The following GIPC2 variants were observed in gnomAD, a reference collection of about 807,000 sequenced individuals.
The protein encoded by GIPC2 is PDZ domain-containing protein GIPC2.
A neutral mutation model predicts 30.6 loss-of-function variants in GIPC2; 30 were observed. That is an observed-to-expected ratio of 0.98 (90% CI 0.73 to 1.33). The LOEUF (loss-of-function observed/expected upper bound fraction) is 1.33. GIPC2 is among the 40% of genes most tolerant of loss of function. The pLI, the probability that GIPC2 is intolerant of heterozygous loss-of-function variation, is 0.00. For missense variants in GIPC2, 414 were observed against 390.3 expected, an observed-to-expected ratio of 1.06 and a Z score of -0.51; for synonymous variants, 167 against 150.0, an observed-to-expected ratio of 1.11 and a Z score of -0.83.
chr1:78,099,983 G>A (rs1291805321), intron 3 of GIPC2, among the ~76,000 whole-genome samples: 1 of 152,152 alleles, frequency 6.6e-6, no homozygotes, highest in Non-Finnish European at 1.5e-5. Context: ...TATATCAAGG[G>A]CCTTATATAT....
chr1:78,120,671 G>A (rs952270920), intron 4 of GIPC2, among the ~76,000 whole-genome samples: 1 of 152,152 alleles, frequency 6.6e-6, no homozygotes, highest in East Asian at 1.9e-4. Context: ...GCAAAGGCAC[G>A]TCTTACATGG....
At chr1:78,046,369 C>CCGCCGCGCCGCGCCG (rs370883891) in intron 1 of GIPC2, 35 bp downstream of exon 1, 221 of 1,557,708 alleles carry the variant, frequency 1.4e-4, no homozygotes, top group East Asian at 6.9e-5. Context: ...TCCCGCCTCT[C>CCGCCGCGCCGCGCCG]CGCCGCGCCG....
At chr1:78,059,241 G>A (rs774880826) in intron 1 of GIPC2, among the ~76,000 whole-genome samples, 9 of 152,208 alleles carry the variant, frequency 5.9e-5, no homozygotes, top group Non-Finnish European at 1.3e-4. Flanking sequence ...TAGATTGTGT[G>A]TTTGGGAGCC....
chr1:78,103,979 C>T (rs1662297888), intron 3 of GIPC2, among the ~76,000 whole-genome samples: 1 of 152,152 alleles, frequency 6.6e-6, no homozygotes, highest in South Asian at 2.1e-4. Flanking sequence ...GTGAAAGGCC[C>T]TTGTACACAC....
chr1:78,080,624 T>G, intron 1 of GIPC2, 51 bp from the exon 2 acceptor site: 1 of 947,240 alleles, frequency 1.1e-6, no homozygotes, highest in Non-Finnish European at 1.6e-6. Flanking sequence ...AAATTAACGG[T>G]CAGATGTATT....
chr1:78,118,070 G>A (rs959561314), intron 3 of GIPC2, among the ~76,000 whole-genome samples: 21 of 151,488 alleles, frequency 1.4e-4, no homozygotes, highest in Non-Finnish European at 2.2e-4. Flanking sequence ...CTACAGGTGC[G>A]TGCCACCATG....
chr1:78,079,578 G>T (rs1661787826), intron 1 of GIPC2, among the ~76,000 whole-genome samples: 1 of 152,270 alleles, frequency 6.6e-6, no homozygotes, highest in South Asian at 2.1e-4. Flanking sequence ...GGAGGAAGAG[G>T]CTTGCAATGC....
At chr1:78,099,224 C>A (rs1237268947) in intron 3 of GIPC2, among the ~76,000 whole-genome samples, 1 of 151,900 alleles carries the variant, frequency 6.6e-6, no homozygotes, top group East Asian at 1.9e-4. Context: ...TATTGAAAGC[C>A]TACTGTATAC....
intron 3 of GIPC2, among the ~76,000 whole-genome samples, chr1:78,103,085 T>C (rs957505946): frequency 3.3e-5 from 5 of 152,182 alleles, no homozygotes; most frequent in African/African-American, 1.2e-4. Context: ...AGGTTACAGC[T>C]AGTGAGCGAG....
chr1:78,063,313 GAAACCCCGTCTCTACAAAAAATACAAA>G, intron 1 of GIPC2, among the ~76,000 whole-genome samples: 1 of 151,466 alleles, frequency 6.6e-6, no homozygotes, highest in African/African-American at 2.4e-5. Flanking sequence ...TCAACATGGT[GAAACCCCGTCTCTACAAAAAATACAAA>G]AATTAGCTAG....
chr1:78,090,643 C>A (rs1420580732), intron 2 of GIPC2, among the ~76,000 whole-genome samples: 2 of 152,182 alleles, frequency 1.3e-5, no homozygotes, highest in Non-Finnish European at 2.9e-5. Flanking sequence ...CTCAGAATAT[C>A]TCCTTCAGAT....
intron 3 of GIPC2, among the ~76,000 whole-genome samples, chr1:78,105,662 G>GT (rs1351427556): frequency 1.3e-5 from 2 of 152,204 alleles, no homozygotes; most frequent in Admixed American, 6.5e-5. Context: ...GTTTTCAACT[G>GT]TTTTTAAGCT....
intron 1 of GIPC2, among the ~76,000 whole-genome samples, chr1:78,072,126 A>T (rs764080018): frequency 2.0e-5 from 3 of 151,748 alleles, no homozygotes; most frequent in Non-Finnish European, 4.4e-5. Flanking sequence ...ATCTATAAAA[A>T]AATGGTATTA....
intron 3 of GIPC2, among the ~76,000 whole-genome samples, chr1:78,118,625 A>G (rs1421915007): frequency 1.3e-5 from 2 of 152,206 alleles, no homozygotes; most frequent in African/African-American, 4.8e-5. Context: ...TGCTGTCTGC[A>G]GGGAATTCCT....
chr1:78,100,732 C>A (rs1303546397), intron 3 of GIPC2, among the ~76,000 whole-genome samples: 1 of 151,920 alleles, frequency 6.6e-6, no homozygotes, highest in African/African-American at 2.4e-5. Context: ...GAGTTTGAGA[C>A]CAGCCTGGCC....
chr1:78,108,746 G>A (rs545808822), intron 3 of GIPC2, among the ~76,000 whole-genome samples: 15 of 152,302 alleles, frequency 9.8e-5, no homozygotes, highest in Admixed American at 9.2e-4. Context: ...TGTGTACATA[G>A]GTTGTGGGTG....
chr1:78,088,760 C>G lies in GIPC2; in HGVS notation c.427-6192C>G, dbSNP rs114920670. Among the ~76,000 whole-genome samples, 491 of 151,708 alleles carry G rather than the reference C, an allele frequency of 3.2e-3. 5 individuals are homozygous for G. Among genetic ancestry groups the G allele is most frequent in the African/African-American group, 0.011 (463 of 41,358 alleles). ...TCATGAGGCTGAGGTGGGAGAATTG[C>G]TTGAGCCTGGGGAACTCAAGGTTGC... On this transcript the variant is annotated intron_variant, in intron 2 of 5. Coordinates refer to ENST00000370759, the MANE Select transcript of GIPC2 (RefSeq NM_017655.6).
chr1:78,086,123 A>G (rs756941169), intron 2 of GIPC2, among the ~76,000 whole-genome samples: 25 of 152,034 alleles, frequency 1.6e-4, no homozygotes, highest in Non-Finnish European at 2.8e-4. Context: ...GGTATGTTGT[A>G]TCTTTGTTCT....
At chr1:78,046,418 G>A in intron 1 of GIPC2, 84 bp downstream of exon 1, 2 of 1,315,428 alleles carry the variant, frequency 1.5e-6, no homozygotes, top group South Asian at 1.3e-5. Flanking sequence ...CAGGAGGGTT[G>A]AGCGGCGTTT....
Sources: allele counts gnomAD v4.1 joint callset (sites outside exome capture counted in the v4.1 genomes callset), GRCh38; gene constraint gnomAD v4.1.1; transcripts MANE v1.5; gene names NCBI Gene and HGNC (gene_info 2026-07-23, HGNC 2026-07-21).